Variants in CBFA2T2 observed in about 807,000 individuals in gnomAD.
CBFA2T2 encodes the protein protein CBFA2T2.
Under a neutral mutation model 62.2 loss-of-function variants are expected in CBFA2T2, and 11 were observed. The observed-to-expected ratio is 0.18, with a 90% CI of 0.11 to 0.29. The LOEUF is 0.29. Ranked by LOEUF, CBFA2T2 falls within the 10% of genes least tolerant of loss-of-function variation. The probability of loss-of-function intolerance (pLI) is 1.00; values close to 1 mark genes in which losing one functional copy is unlikely to be tolerated. For synonymous variants in CBFA2T2, 295 were observed against 287.5 expected, an observed-to-expected ratio of 1.03 and a Z score of -0.27; for missense variants, 592 against 774.1, an observed-to-expected ratio of 0.76 and a Z score of 2.79.
At chr20:33,570,505 G>A (rs1336050886) in intron 1 of CBFA2T2, among the ~76,000 whole-genome samples, 1 of 152,052 alleles carries the variant, frequency 6.6e-6, no homozygotes, top group African/African-American at 2.4e-5. Flanking sequence ...CAGTAAAGGG[G>A]AAGAGTTGAG....
At chr20:33,509,464 A>G (rs1448002120) in intron 1 of CBFA2T2, among the ~76,000 whole-genome samples, 1 of 152,166 alleles carries the variant, frequency 6.6e-6, no homozygotes, top group Non-Finnish European at 1.5e-5. Flanking sequence ...ATCCTAAATA[A>G]TGATGTTTTT....
chr20:33,640,756 T>G (rs4911352), intron 10 of CBFA2T2, among the ~76,000 whole-genome samples: 65,554 of 151,048 alleles, frequency 0.43, 14,656 homozygotes, highest in East Asian at 0.7. Flanking sequence ...CATATATATA[T>G]AGAGAGAGAG....
chr20:33,642,449 A>T (rs1234126122), intron 10 of CBFA2T2, among the ~76,000 whole-genome samples: 1 of 152,034 alleles, frequency 6.6e-6, no homozygotes, highest in Non-Finnish European at 1.5e-5. Context: ...CAAAAAAAAA[A>T]TTTAAAAATT....
intron 1 of CBFA2T2, among the ~76,000 whole-genome samples, chr20:33,492,953 G>A (rs2011159361): frequency 6.6e-6 from 1 of 151,474 alleles, no homozygotes; most frequent in Non-Finnish European, 1.5e-5. Context: ...GTAGAGACGG[G>A]GTTTAACCAT....
intron 1 of CBFA2T2, among the ~76,000 whole-genome samples, chr20:33,582,383 G>T (rs1305314321): frequency 1.3e-5 from 2 of 152,116 alleles, no homozygotes; most frequent in African/African-American, 4.8e-5. Flanking sequence ...AGCTACTTGG[G>T]AGGCTGAGGC....
In CBFA2T2 at chr20:33,498,355, C is replaced by A. The variant is rs900024625; in HGVS notation, c.34+8054C>A. On this transcript the variant is annotated intron_variant, in intron 1 of 10. Coordinates refer to ENST00000342704, the MANE Select transcript of CBFA2T2 (RefSeq NM_001032999.3). ...CAACCTCCGCCTCCCAGGGTCAAGC[C>A]ATTGTCCTGCCTCAGCTTCCCAAGT... Among the ~76,000 whole-genome samples the A allele has an allele frequency of 3.3e-5, 5 of 151,732 alleles. No individual in the cohort carries two copies. In the South Asian group the frequency reaches 1.0e-3, roughly 32 times the overall value.
chr20:33,559,338 T>C (rs1028681145), intron 1 of CBFA2T2, among the ~76,000 whole-genome samples: 2 of 152,024 alleles, frequency 1.3e-5, no homozygotes, highest in African/African-American at 4.8e-5. Context: ...CATGCCTGGC[T>C]AATTTTTGTA....
chr20:33,588,412 T>C (rs1225542561), intron 1 of CBFA2T2, among the ~76,000 whole-genome samples: 1 of 151,332 alleles, frequency 6.6e-6, no homozygotes, highest in Non-Finnish European at 1.5e-5. Flanking sequence ...AACAAATATA[T>C]ATGTTAATGT....
intron 1 of CBFA2T2, among the ~76,000 whole-genome samples, chr20:33,520,851 C>T (rs1335502046): frequency 1.3e-5 from 2 of 151,830 alleles, no homozygotes; most frequent in Non-Finnish European, 2.9e-5. Flanking sequence ...TCATTTGTTA[C>T]TCATGAGTGT....
intron 1 of CBFA2T2, among the ~76,000 whole-genome samples, chr20:33,541,905 G>T (rs1044103546): frequency 6.6e-6 from 1 of 152,048 alleles, no homozygotes; most frequent in African/African-American, 2.4e-5. Flanking sequence ...TTGAGACAGG[G>T]TCTTACTCTG....
rs1420748364 is a variant in CBFA2T2 at position 33,503,047 on chromosome 20, C to T, written c.34+12746C>T. On this transcript the variant is annotated intron_variant, in intron 1 of 10. Coordinates refer to ENST00000342704, the MANE Select transcript of CBFA2T2 (RefSeq NM_001032999.3). ...CGGAGCTTGCAGTGAGCTGAGATCG[C>T]GCCACTGCGCTCCAGCTTGGGTGAC... 1.4e-4 allele frequency among the ~76,000 whole-genome samples: 19 copies of T among 132,918 alleles called. No individual in the cohort carries two copies. The East Asian group carries it at 4.3e-3, about 30-fold the overall frequency. The allele number at this position is 132,918 out of a possible 152,430, so 87.2% of individuals were successfully genotyped here. A position where few individuals can be genotyped will look rare whatever the true frequency, so the allele number is the denominator to read the frequency against.
intron 1 of CBFA2T2, among the ~76,000 whole-genome samples, chr20:33,578,457 T>C (rs922309206): frequency 2.2e-4 from 34 of 152,352 alleles, no homozygotes; most frequent in African/African-American, 8.2e-4. Context: ...CTTATGTTTG[T>C]ACCCATTTGC....
At chr20:33,616,403 A>G (rs2015715188) in intron 3 of CBFA2T2, among the ~76,000 whole-genome samples, 1 of 152,192 alleles carries the variant, frequency 6.6e-6, no homozygotes, top group Non-Finnish European at 1.5e-5. Context: ...GTTACATGAA[A>G]ATACACATAT....
At chr20:33,540,479 T>C (rs1022035051) in intron 1 of CBFA2T2, among the ~76,000 whole-genome samples, 6 of 152,214 alleles carry the variant, frequency 3.9e-5, no homozygotes, top group African/African-American at 1.4e-4. Context: ...AGTGAAAATA[T>C]AGTAATCTTA....
chr20:33,541,391 G>A (rs2012406363), intron 1 of CBFA2T2, among the ~76,000 whole-genome samples: 1 of 152,158 alleles, frequency 6.6e-6, no homozygotes, highest in Non-Finnish European at 1.5e-5. Flanking sequence ...GGAGACCAGC[G>A]GGTCATCTTT....
chr20:33,640,271 C>T (rs1418207736), intron 9 of CBFA2T2, 70 bp from the exon 10 acceptor site: 2 of 1,404,590 alleles, frequency 1.4e-6, no homozygotes, highest in South Asian at 1.3e-5. Flanking sequence ...TCTCTCCTTA[C>T]TTAGAATTGC....
intron 2 of CBFA2T2, among the ~76,000 whole-genome samples, chr20:33,609,282 C>G (rs945133938): frequency 6.6e-6 from 1 of 152,156 alleles, no homozygotes; most frequent in Non-Finnish European, 1.5e-5. Flanking sequence ...GGACAGATCA[C>G]TTGAGGTCAG....
At chr20:33,589,262 G>C (rs577925939) in intron 1 of CBFA2T2, among the ~76,000 whole-genome samples, 1 of 152,296 alleles carries the variant, frequency 6.6e-6, no homozygotes, top group South Asian at 2.1e-4. Context: ...CAGGCACAGA[G>C]AGCAGCCAGT....
intron 1 of CBFA2T2, among the ~76,000 whole-genome samples, chr20:33,584,664 A>G (rs1254819774): frequency 6.6e-6 from 1 of 152,176 alleles, no homozygotes; most frequent in Non-Finnish European, 1.5e-5. Flanking sequence ...ATAATAATAT[A>G]GATGATGGTG....
Sources: gnomAD v4.1 joint callset for allele counts (sites outside exome capture counted in the v4.1 genomes callset) on GRCh38, gnomAD v4.1.1 for gene constraint, MANE v1.5 for transcripts, NCBI Gene and HGNC (gene_info 2026-07-23, HGNC 2026-07-21) for gene names.